Variants in NCAM2 observed in about 807,000 individuals in gnomAD.
NCAM2 encodes the protein N-CAM-2.
In NCAM2, 30 loss-of-function variants were observed where a neutral mutation model predicts 98.1. The observed-to-expected ratio is 0.31, with a 90% confidence interval of 0.23 to 0.41. The LOEUF is 0.41. Among genes scored for constraint, NCAM2 ranks in the 10% least tolerant of loss-of-function variants. The pLI is 1.00. For synonymous variants in NCAM2, 368 were observed against 342.4 expected (o/e 1.07, Z -0.83); for missense variants, 867 against 1,005.8 (o/e 0.86, Z 1.87).
At chr21:21,055,064 C>T (rs2065185698) in intron 1 of NCAM2, among the ~76,000 whole-genome samples, 1 of 151,920 alleles carries the variant, frequency 6.6e-6, no homozygotes, top group Non-Finnish European at 1.5e-5. Context: ...GAAATATAAA[C>T]ATGCTATTTC....
intron 5 of NCAM2, among the ~76,000 whole-genome samples, chr21:21,316,533 C>CTTTTTTTTTTTTTTT (rs34341259): frequency 9.0e-6 from 1 of 110,900 alleles, no homozygotes; most frequent in African/African-American, 3.5e-5. Context: ...ATCTTTTATT[C>CTTTTTTTTTTTTTTT]TTTTTTTTTT....
intron 1 of NCAM2, among the ~76,000 whole-genome samples, chr21:21,101,034 AC>A (rs11332223): frequency 1 from 152,119 of 152,120 alleles, 76,059 homozygotes; most frequent in Non-Finnish European, 1. Flanking sequence ...TTGAGGACAC[AC>A]CTGTGTATGT....
intron 1 of NCAM2, among the ~76,000 whole-genome samples, chr21:21,161,683 C>T (rs187322754): frequency 1.4e-4 from 22 of 151,738 alleles, no homozygotes; most frequent in African/African-American, 5.3e-4. Context: ...CTATTAGTGA[C>T]ATATACATGT....
At chr21:21,196,678 A>G (rs1190761914) in intron 1 of NCAM2, among the ~76,000 whole-genome samples, 1 of 152,236 alleles carries the variant, frequency 6.6e-6, no homozygotes, top group African/African-American at 2.4e-5. Context: ...GGCAGGGGCC[A>G]GAAACTGGAG....
chr21:21,096,754 G>T (rs1238368800), intron 1 of NCAM2, among the ~76,000 whole-genome samples: 5 of 151,494 alleles, frequency 3.3e-5, no homozygotes, highest in Admixed American at 2.0e-4. Flanking sequence ...GTTTTTGTGT[G>T]TGTGTGTGTT....
chr21:21,223,773 T>A (rs1234767525), intron 1 of NCAM2: 1 of 152,150 alleles, frequency 6.6e-6, no homozygotes, highest in Non-Finnish European at 1.5e-5. Context: ...GTTATATTAA[T>A]AAAATTCAAA....
At chr21:21,255,470 A>G (rs1472026210) in intron 1 of NCAM2, among the ~76,000 whole-genome samples, 1 of 152,224 alleles carries the variant, frequency 6.6e-6, no homozygotes, top group Non-Finnish European at 1.5e-5. Context: ...CATTGCTGTC[A>G]TTATACTGTA....
chr21:21,211,555 C>T (rs1445174997), intron 1 of NCAM2, among the ~76,000 whole-genome samples: 1 of 152,076 alleles, frequency 6.6e-6, no homozygotes, highest in East Asian at 1.9e-4. Flanking sequence ...CAGAAAATAA[C>T]TAGGCTAAGT....
chr21:21,036,687 T>C lies in NCAM2; in HGVS notation c.55+38069T>C, dbSNP rs1414981311. ...TGAATGAAGCCAAAGAACAATGGCC[T>C]TGGGACCAAGTTTCCCTGGAGGTGG... On this transcript the variant is annotated intron_variant, in intron 1 of 17. Transcript: ENST00000400546. Among the ~76,000 whole-genome samples the C allele has an allele frequency of 2.0e-5, 3 of 152,150 alleles. No homozygotes were observed. The East Asian group carries it at 5.8e-4, about 29-fold the overall frequency.
In NCAM2 at chr21:21,256,653, A is replaced by G. The variant is rs1037059792; in HGVS notation, c.56-23925A>G. On this transcript the variant is annotated intron_variant, in intron 1 of 17. Coordinates refer to ENST00000400546, the MANE Select transcript of NCAM2 (RefSeq NM_004540.5). The stretch of plus-strand genomic sequence containing the variant: ...TTTTTAAGGAGTGTCATGAATCCAG[A>G]TACTGAGATCAGGGACTTACATAAG... Among the ~76,000 whole-genome samples the G allele has an allele frequency of 2.6e-5, 4 of 152,306 alleles. 1 individual carries two copies. Among genetic ancestry groups the G allele is most frequent in the African/African-American group, 9.6e-5 (4 of 41,560 alleles).
intron 1 of NCAM2, among the ~76,000 whole-genome samples, chr21:21,090,495 T>C (rs2065990634): frequency 6.6e-6 from 1 of 152,196 alleles, no homozygotes. Context: ...AAAGCAAGCA[T>C]TGCCATCAGT....
intron 15 of NCAM2, among the ~76,000 whole-genome samples, chr21:21,492,064 C>T (rs987671020): frequency 4.6e-5 from 7 of 151,412 alleles, no homozygotes; most frequent in African/African-American, 1.2e-4. Flanking sequence ...TATTGTTCTA[C>T]TATTCTGGGC....
At chr21:21,508,052 A>G (rs1988104192) in intron 15 of NCAM2, among the ~76,000 whole-genome samples, 1 of 152,122 alleles carries the variant, frequency 6.6e-6, no homozygotes, top group African/African-American at 2.4e-5. Flanking sequence ...CAATTTTATC[A>G]ATCAGAATAC....
In NCAM2 at chr21:21,274,372, T is replaced by C. The variant is rs139593691; in HGVS notation, c.56-6206T>C. Among the ~76,000 whole-genome samples, 438 of 152,236 alleles carry C rather than the reference T, an allele frequency of 2.9e-3. 2 individuals are homozygous for C. The highest frequency in any genetic ancestry group is 0.01 in the African/African-American group (421 of 41,558). ...TTAGAAGAAACAATAAAAATAATTT[T>C]TAAAAAATATTCATGAATTCCTAAA... is the stretch of plus-strand genomic sequence containing the variant. On this transcript the variant is annotated intron_variant, in intron 1 of 17. Transcript: ENST00000400546.
At chr21:21,281,183 G>C (rs931659218) in intron 2 of NCAM2, among the ~76,000 whole-genome samples, 9 of 152,036 alleles carry the variant, frequency 5.9e-5, no homozygotes. Flanking sequence ...TGTTAATTTA[G>C]ACTGCTAATC....
intron 1 of NCAM2, among the ~76,000 whole-genome samples, chr21:21,180,285 C>T (rs984360064): frequency 3.9e-5 from 6 of 152,044 alleles, no homozygotes; most frequent in Admixed American, 6.6e-5. Flanking sequence ...GCCTTTTATG[C>T]GATACATGTG....
At chr21:21,410,627 GA>G (rs2076837904) in intron 10 of NCAM2, among the ~76,000 whole-genome samples, 166 bp downstream of exon 10, 1 of 152,002 alleles carries the variant, frequency 6.6e-6, no homozygotes, top group African/African-American at 2.4e-5. Context: ...GCTCATTAAT[GA>G]TGAGTGTATG....
At chr21:21,487,802 C>T (rs775607823) in intron 15 of NCAM2, among the ~76,000 whole-genome samples, 22 of 152,264 alleles carry the variant, frequency 1.4e-4, no homozygotes, top group Non-Finnish European at 3.1e-4. Flanking sequence ...TACCATGTTT[C>T]AGATATGCTA....
chr21:21,456,031 T>C (rs1982095528), intron 12 of NCAM2, among the ~76,000 whole-genome samples: 1 of 152,256 alleles, frequency 6.6e-6, no homozygotes, highest in South Asian at 2.1e-4. Context: ...ACCTGCCTAG[T>C]GTTGCAATTG....
Sources: allele counts gnomAD v4.1 joint callset (sites outside exome capture counted in the v4.1 genomes callset), GRCh38; gene constraint gnomAD v4.1.1; transcripts MANE v1.5; gene names NCBI Gene and HGNC (gene_info 2026-07-23, HGNC 2026-07-21).